The following TTC7B variants were observed in gnomAD, a reference collection of about 807,000 sequenced individuals.
The protein encoded by TTC7B is tetratricopeptide repeat protein 7B.
In TTC7B, 28 loss-of-function variants were observed where a neutral mutation model predicts 106.8. That is an observed-to-expected ratio of 0.26 (90% CI 0.19 to 0.36). TTC7B has a LOEUF of 0.36. TTC7B is among the 10% of genes least tolerant of loss of function. The pLI is 1.00. For missense variants in TTC7B, 862 were observed against 1,076.4 expected (o/e 0.80, Z 2.79); for synonymous variants, 405 against 430.6 (o/e 0.94, Z 0.74).
intron 16 of TTC7B, among the ~76,000 whole-genome samples, chr14:90,616,519 G>A (rs988803150): frequency 6.6e-6 from 1 of 151,032 alleles, no homozygotes; most frequent in Non-Finnish European, 1.5e-5. Context: ...TGGGGGGGAG[G>A]TGGGGGCTGG....
rs1441704588 is a variant in TTC7B at position 90,780,868 on chromosome 14, C to T, written c.315G>A (p.Lys105=). ...TATAATCACCTTCCACATAATTCAA[C>T]TTGGCCATGATCAGATTGGATTCTT... The part of the protein sequence containing the change: ...FLQESNLIMA[K]LNYVEGDYKE... The change falls in exon 3 of 20, where the codon AAG becomes AAA. Residue 105 remains lysine, a synonymous_variant. Coordinates refer to ENST00000328459, the MANE Select transcript of TTC7B (RefSeq NM_001010854.2). 1 of 1,614,256 alleles carries T rather than the reference C, an allele frequency of 6.2e-7. No individual in the cohort carries two copies. Among genetic ancestry groups the T allele is most frequent in the African/African-American group, 1.3e-5 (1 of 75,072 alleles).
intron 3 of TTC7B, among the ~76,000 whole-genome samples, chr14:90,769,937 C>T (rs955396592): frequency 2.6e-5 from 4 of 152,016 alleles, no homozygotes; most frequent in South Asian, 2.1e-4. Context: ...TCATTTGATA[C>T]GAGGAGTTTG....
At chr14:90,587,934 G>C (rs920900013) in intron 18 of TTC7B, among the ~76,000 whole-genome samples, 3 of 152,178 alleles carry the variant, frequency 2.0e-5, no homozygotes, top group African/African-American at 7.2e-5. Context: ...GGGTGAATAC[G>C]GGTATTTATA....
chr14:90,717,778 CGGGAAGGGAAAAG>C (rs1888716381), intron 5 of TTC7B, among the ~76,000 whole-genome samples: 1 of 152,202 alleles, frequency 6.6e-6, no homozygotes, highest in Non-Finnish European at 1.5e-5. Flanking sequence ...CACCTAAACC[CGGGAAGGGAAAAG>C]GCAGGTAGGT....
rs561878372 is a variant in TTC7B at position 90,811,522 on chromosome 14, C to T, written c.121+4653G>A. ...CAGGAGGGTGTGCATGACCAGGTGT[C>T]GTCTAGGAGCCCAGGACCCTGCACC... On this transcript the variant is annotated intron_variant, in intron 1 of 19. Coordinates refer to ENST00000328459, the MANE Select transcript of TTC7B (RefSeq NM_001010854.2). 3.9e-5 allele frequency among the ~76,000 whole-genome samples: 6 copies of T among 152,298 alleles called. No homozygotes were observed. The East Asian group carries it at 9.7e-4, about 25-fold the overall frequency.
At chr14:90,767,261 T>A (rs1019987899) in intron 3 of TTC7B, among the ~76,000 whole-genome samples, 4 of 152,022 alleles carry the variant, frequency 2.6e-5, no homozygotes, top group African/African-American at 9.7e-5. Flanking sequence ...AAAAGTACAA[T>A]AAGTGAAATG....
intron 3 of TTC7B, among the ~76,000 whole-genome samples, chr14:90,774,934 T>G (rs2140029862): frequency 6.6e-6 from 1 of 152,226 alleles, no homozygotes; most frequent in East Asian, 1.9e-4. Context: ...TCCCAGCTGC[T>G]TGGGAGGCTG....
In TTC7B at chr14:90,587,418, T is replaced by A. The variant is rs369615178; in HGVS notation, c.2107+6068A>T. On this transcript the variant is annotated intron_variant, in intron 18 of 19. Coordinates refer to ENST00000328459, the MANE Select transcript of TTC7B (RefSeq NM_001010854.2). ...TTTACTGCTTACTCCTCAGGGTTCATGCCCCAGGGGCCAGTATTCCTCTAA... is the reference window on the plus strand; with the variant it reads ...TTTACTGCTTACTCCTCAGGGTTCAAGCCCCAGGGGCCAGTATTCCTCTAA... Among the ~76,000 whole-genome samples, 39 of 152,350 alleles carry A rather than the reference T, an allele frequency of 2.6e-4. No homozygotes were observed. The South Asian group carries it at 8.1e-3, about 32-fold the overall frequency.
chr14:90,787,817 CAG>C (rs1891443668), intron 1 of TTC7B, among the ~76,000 whole-genome samples: 1 of 152,110 alleles, frequency 6.6e-6, no homozygotes, highest in African/African-American at 2.4e-5. Context: ...AACACGAAAA[CAG>C]GGCTGAGTTC....
At chr14:90,783,705 C>A (rs761133513) in intron 2 of TTC7B, among the ~76,000 whole-genome samples, 5 of 151,874 alleles carry the variant, frequency 3.3e-5, no homozygotes, top group Non-Finnish European at 7.4e-5. Context: ...CGGAGGCCGA[C>A]GCAGGCAGAT....
chr14:90,721,874 G>C (rs1888910162), intron 5 of TTC7B, among the ~76,000 whole-genome samples: 1 of 152,132 alleles, frequency 6.6e-6, no homozygotes, highest in Admixed American at 6.5e-5. Context: ...ACCTAGTAAG[G>C]GTCTCCATCA....
intron 3 of TTC7B, among the ~76,000 whole-genome samples, chr14:90,749,815 G>A (rs1392726781): frequency 6.6e-6 from 1 of 152,142 alleles, no homozygotes; most frequent in Non-Finnish European, 1.5e-5. Context: ...CACATCCAGT[G>A]TACTTTTCAT....
intron 19 of TTC7B, among the ~76,000 whole-genome samples, chr14:90,555,499 T>A (rs969755972): frequency 7.2e-5 from 11 of 152,030 alleles, no homozygotes; most frequent in Admixed American, 5.9e-4. Flanking sequence ...AGGAGGGTAA[T>A]CTAAAAAGCA....
rs1259295811 is a variant in TTC7B at position 90,742,264 on chromosome 14, CT to C, written c.576+2527del. ...CTTTCTTCCTTTCTTTCTTTTTTTTCTTTTGTTTCTCTCTCTCTCCTTCCCT... is the reference window on the plus strand; with the variant it reads ...CTTTCTTCCTTTCTTTCTTTTTTTTCTTTGTTTCTCTCTCTCTCCTTCCCT... On this transcript the variant is annotated intron_variant, in intron 4 of 19. Coordinates refer to ENST00000328459, the MANE Select transcript of TTC7B (RefSeq NM_001010854.2). The surrounding 1 kb of genome is among the most constrained non-coding windows in gnomAD (Gnocchi z 4.1). Among the ~76,000 whole-genome samples the C allele has an allele frequency of 6.6e-6, 1 of 150,922 alleles. No individual in the cohort carries two copies.
At chr14:90,629,456 C>T (rs903983971) in intron 15 of TTC7B, among the ~76,000 whole-genome samples, 3 of 152,134 alleles carry the variant, frequency 2.0e-5, no homozygotes, top group East Asian at 1.9e-4. Context: ...AAATGGATAA[C>T]AGATGAAACA....
intron 1 of TTC7B, among the ~76,000 whole-genome samples, chr14:90,792,122 A>G (rs1891606359): frequency 6.6e-6 from 1 of 152,122 alleles, no homozygotes; most frequent in Non-Finnish European, 1.5e-5. Context: ...GGCTTGCCAA[A>G]TTTTTATTTA....
At chr14:90,547,444 G>C (rs1889885313) in intron 19 of TTC7B, among the ~76,000 whole-genome samples, 2 of 152,182 alleles carry the variant, frequency 1.3e-5, no homozygotes, top group Admixed American at 1.3e-4. Context: ...CTTGGTGTAG[G>C]AGGCCCTCAG....
chr14:90,595,071 C>T (rs184190710), intron 17 of TTC7B, among the ~76,000 whole-genome samples: 224 of 152,064 alleles, frequency 1.5e-3, no homozygotes, highest in African/African-American at 5.1e-3. Context: ...CGGTGGCTCA[C>T]GCCTATAATC....
Position 90,718,713 on chromosome 14 carries a change from G to T in TTC7B, c.698+11362C>A, listed in dbSNP as rs140556976. On this transcript the variant is annotated intron_variant, in intron 5 of 19. Coordinates refer to ENST00000328459, the MANE Select transcript of TTC7B (RefSeq NM_001010854.2). The stretch of plus-strand genomic sequence containing the variant: ...ACAGACAATATGCAACTCTCAGATA[G>T]ACATCTATGAGCCACAGCCGTCTCA... 5.4e-4 allele frequency among the ~76,000 whole-genome samples: 82 copies of T among 151,946 alleles called. No individual in the cohort carries two copies. The South Asian group carries it at 5.8e-3, about 11-fold the overall frequency.
Sources: allele counts gnomAD v4.1 joint callset (sites outside exome capture counted in the v4.1 genomes callset), GRCh38; gene constraint gnomAD v4.1.1; non-coding constraint Gnocchi (gnomAD v3.1); transcripts MANE v1.5; gene names NCBI Gene and HGNC (gene_info 2026-07-23, HGNC 2026-07-21).